Variants in CNNM2 observed in about 807,000 individuals in gnomAD.
CNNM2 encodes cyclin and CBS domain divalent metal cation transport mediator 2, also known as metal transporter CNNM2.
CNNM2 carries 12 observed loss-of-function variants against 66.9 expected under a neutral mutation model. That is an observed-to-expected ratio of 0.18 (90% CI 0.11 to 0.29). CNNM2 has a LOEUF of 0.29. CNNM2 is among the 10% of genes least tolerant of loss of function. The pLI is 1.00. For synonymous variants in CNNM2, 557 were observed against 501.8 expected, an observed-to-expected ratio of 1.11 and a Z score of -1.47; for missense variants, 705 against 1,167.7, an observed-to-expected ratio of 0.60 and a Z score of 5.77.
intron 1 of CNNM2, among the ~76,000 whole-genome samples, chr10:103,045,698 A>T (rs141591911): frequency 5.5e-4 from 84 of 151,590 alleles, no homozygotes; most frequent in Non-Finnish European, 1.0e-3. Context: ...TCATTTATGG[A>T]TATGTTTTAG....
At chr10:102,992,313 C>T (rs2134243704) in intron 1 of CNNM2, among the ~76,000 whole-genome samples, 1 of 123,864 alleles carries the variant, frequency 8.1e-6, no homozygotes, top group Middle Eastern at 5.6e-3. Flanking sequence ...TGCTCTCTTG[C>T]CCAGGCTGGA....
chr10:102,929,476 T>C (rs1845994922), intron 1 of CNNM2, among the ~76,000 whole-genome samples: 1 of 151,916 alleles, frequency 6.6e-6, no homozygotes, highest in Non-Finnish European at 1.5e-5. Flanking sequence ...GACTAGTTAT[T>C]GTAGGTTTTT....
At chr10:103,024,540 G>A (rs1165331622) in intron 1 of CNNM2, among the ~76,000 whole-genome samples, 2 of 152,006 alleles carry the variant, frequency 1.3e-5, no homozygotes, top group Admixed American at 6.6e-5. Flanking sequence ...ATGCGGTGGC[G>A]TGATCTCGGC....
Position 103,089,680 on chromosome 10 carries a change from C to T in CNNM2, c.*12500C>T. On this transcript the variant is annotated 3_prime_UTR_variant, in exon 8 of 8. Transcript: ENST00000369878. The stretch of plus-strand genomic sequence containing the variant: ...GGTTTTGGTTTTCCTCCTTATTCTT[C>T]CTCCTCCTCCTCCTCTTCATCATCA... The T allele has an allele frequency of 6.6e-7, 1 of 1,517,244 alleles. No homozygotes were observed. The highest frequency in any genetic ancestry group is 9.0e-7 in the Non-Finnish European group (1 of 1,114,632). The allele number at this position is 1,517,244 out of a possible 1,614,324, so 94.0% of individuals were successfully genotyped here.
At chr10:102,927,536 G>A (rs1845913782) in intron 1 of CNNM2, 1 of 1,385,532 alleles carries the variant, frequency 7.2e-7, no homozygotes, top group African/African-American at 1.4e-5. Flanking sequence ...CAGGGAGGTG[G>A]ATCACTTGAG....
rs980849859 is a variant in CNNM2, at chr10:103,075,460, T to C, written c.2234-626T>C. On this transcript the variant is annotated intron_variant, in intron 6 of 7. Transcript: ENST00000369878. ...TGCCACAAAACCTCACTGAAGACTC[T>C]AGCACCCAAGATAACTTACTCAAAC... 2.3e-4 allele frequency among the ~76,000 whole-genome samples: 35 copies of C among 152,226 alleles called. No individual in the cohort carries two copies. The highest frequency in any genetic ancestry group is 6.7e-4 in the African/African-American group (28 of 41,532).
rs564927041 is a variant in CNNM2 at position 102,947,108 on chromosome 10, CT to C, written c.1621+27008del. Among the ~76,000 whole-genome samples the C allele has an allele frequency of 1.6e-3, 246 of 152,184 alleles. 1 individual carries two copies. Among genetic ancestry groups the C allele is most frequent in the Middle Eastern group, 3.4e-3 (1 of 294 alleles). ...CTTACTCTGAACTAGTTTATAGTTA[CT>C]AACCCCACTGCCATAAATTCTCCAG... is the stretch of plus-strand genomic sequence containing the variant. On this transcript the variant is annotated intron_variant, in intron 1 of 7. Transcript: ENST00000369878.
intron 1 of CNNM2, among the ~76,000 whole-genome samples, chr10:103,017,675 G>C (rs148169736): frequency 1.9e-3 from 283 of 152,214 alleles, no homozygotes; most frequent in African/African-American, 6.0e-3. Flanking sequence ...CCTAGAGAAA[G>C]GCAAGCCAGG....
chr10:103,027,758 A>C (rs552617558), intron 1 of CNNM2, among the ~76,000 whole-genome samples: 1 of 152,338 alleles, frequency 6.6e-6, no homozygotes, highest in South Asian at 2.1e-4. Flanking sequence ...TTAGCTTCCT[A>C]ACCCATGAGA....
At chr10:102,953,515 G>A (rs1846917494) in intron 1 of CNNM2, among the ~76,000 whole-genome samples, 1 of 151,954 alleles carries the variant, frequency 6.6e-6, no homozygotes, top group Admixed American at 6.6e-5. Context: ...ACCTGCCTCG[G>A]CCTCCCAAAG....
chr10:102,926,752 G>A (rs1845878499), intron 1 of CNNM2, among the ~76,000 whole-genome samples: 1 of 125,654 alleles, frequency 8.0e-6, no homozygotes, highest in Admixed American at 9.7e-5. Context: ...GTCTCGCACT[G>A]TTGCCCAGGC....
Position 103,042,056 on chromosome 10 carries a change from C to T in CNNM2, c.1622-7651C>T, listed in dbSNP as rs556167501. On this transcript the variant is annotated intron_variant, in intron 1 of 7. Coordinates refer to ENST00000369878, the MANE Select transcript of CNNM2 (RefSeq NM_017649.5). ...CTAGGATGTCAAATTTATCCAAAAC[C>T]GAGCTGACTTCTGCCTTCTAGACTG... 2.4e-4 allele frequency among the ~76,000 whole-genome samples: 36 copies of T among 152,288 alleles called. No individual in the cohort carries two copies. The East Asian group carries it at 6.4e-3, about 27-fold the overall frequency.
intron 1 of CNNM2, among the ~76,000 whole-genome samples, chr10:102,995,828 G>C (rs763219097): frequency 6.6e-6 from 1 of 151,970 alleles, no homozygotes; most frequent in Non-Finnish European, 1.5e-5. Flanking sequence ...AGCCTCCCGA[G>C]TAGCCGGGAG....
chr10:103,064,816 C>T (rs1021214985), intron 4 of CNNM2, among the ~76,000 whole-genome samples: 12 of 152,166 alleles, frequency 7.9e-5, no homozygotes, highest in African/African-American at 2.9e-4. Flanking sequence ...GCCATGATTG[C>T]ACCACTGCAC....
Position 102,976,953 on chromosome 10 carries a change from T to C in CNNM2, c.1621+56852T>C, listed in dbSNP as rs145479642. ...TCCTTGTTTTGGCATTTCTGAGATA[T>C]TGCTGTTAACATCATGCAGCTTGAC... is the stretch of plus-strand genomic sequence containing the variant. On this transcript the variant is annotated intron_variant, in intron 1 of 7. Coordinates refer to ENST00000369878, the MANE Select transcript of CNNM2 (RefSeq NM_017649.5). 1.7e-3 allele frequency among the ~76,000 whole-genome samples: 263 copies of C among 152,326 alleles called. 1 individual carries two copies. The highest frequency in any genetic ancestry group is 6.1e-3 in the African/African-American group (255 of 41,560).
At chr10:102,920,537 T>C (rs1845590583) in intron 1 of CNNM2, among the ~76,000 whole-genome samples, 1 of 152,182 alleles carries the variant, frequency 6.6e-6, no homozygotes, top group Non-Finnish European at 1.5e-5. Flanking sequence ...AACTAGCTTT[T>C]GTAAACCCAG....
intron 1 of CNNM2, among the ~76,000 whole-genome samples, chr10:102,993,227 GTTTGCTT>G (rs1365553025): frequency 1.3e-5 from 2 of 152,106 alleles, no homozygotes. Context: ...GTGATATAAG[GTTTGCTT>G]TAAACTATGA....
intron 1 of CNNM2, among the ~76,000 whole-genome samples, chr10:102,956,592 C>T (rs1008127264): frequency 2.0e-5 from 3 of 152,136 alleles, no homozygotes; most frequent in Admixed American, 6.6e-5. Flanking sequence ...AATGATAGAC[C>T]GGATAAAGAA....
chr10:103,008,778 CAAAAA>C (rs35992147), intron 1 of CNNM2, among the ~76,000 whole-genome samples: 1 of 105,750 alleles, frequency 9.5e-6, no homozygotes. Flanking sequence ...GACCCTGTCT[CAAAAA>C]AAAAAAAAAA....
Sources: gnomAD v4.1 joint callset for allele counts (sites outside exome capture counted in the v4.1 genomes callset) on GRCh38, gnomAD v4.1.1 for gene constraint, MANE v1.5 for transcripts, NCBI Gene and HGNC (gene_info 2026-07-23, HGNC 2026-07-21) for gene names.